Variants in SLC43A2 observed in about 807,000 individuals in gnomAD.
SLC43A2 encodes the protein solute carrier family 43 member 2, also known as large neutral amino acids transporter small subunit 4.
A neutral mutation model predicts 63.2 loss-of-function variants in SLC43A2; 38 were observed. That is an observed-to-expected ratio of 0.60 (90% CI 0.46 to 0.79). The LOEUF (loss-of-function observed/expected upper bound fraction) is 0.79. Among genes scored for constraint, SLC43A2 ranks in the 30% least tolerant of loss-of-function variants. The pLI, the probability that SLC43A2 is intolerant of heterozygous loss-of-function variation, is 0.00. For missense variants in SLC43A2, 644 were observed against 756.2 expected, an observed-to-expected ratio of 0.85 and a Z score of 1.74; for synonymous variants, 322 against 331.0, an observed-to-expected ratio of 0.97 and a Z score of 0.30.
intron 5 of SLC43A2, among the ~76,000 whole-genome samples, chr17:1,607,071 C>T (rs1906691813): frequency 6.6e-6 from 1 of 152,166 alleles, no homozygotes; most frequent in Admixed American, 6.6e-5. Context: ...TGTATTTAGA[C>T]CACAGCCCAT....
At chr17:1,586,128 G>T in intron 9 of SLC43A2, 77 bp from the exon 10 acceptor site, 2 of 1,492,782 alleles carry the variant, frequency 1.3e-6, no homozygotes. Context: ...AGCTGGGAAG[G>T]GGCTGGTCCC....
intron 11 of SLC43A2, among the ~76,000 whole-genome samples, chr17:1,582,785 T>C (rs2076039986): frequency 2.0e-5 from 3 of 151,996 alleles, no homozygotes; most frequent in Non-Finnish European, 4.4e-5. Flanking sequence ...TGAATGAAAG[T>C]CATCATCTGA....
At chr17:1,580,679 A>C (rs2075998537) in intron 11 of SLC43A2, among the ~76,000 whole-genome samples, 1 of 150,044 alleles carries the variant, frequency 6.7e-6, no homozygotes, top group African/African-American at 2.5e-5. Context: ...GTTCTCCCTC[A>C]GCCTCCTGAG....
At chr17:1,610,931 C>A (rs1266417315) in intron 5 of SLC43A2, among the ~76,000 whole-genome samples, 1 of 151,432 alleles carries the variant, frequency 6.6e-6, no homozygotes, top group Non-Finnish European at 1.5e-5. Context: ...AACTCCGCCT[C>A]CCGGCCTCAA....
intron 5 of SLC43A2, among the ~76,000 whole-genome samples, chr17:1,600,152 A>ATATATATATATATATATATATATAT (rs1216616243): frequency 1.3e-4 from 8 of 60,276 alleles, no homozygotes; most frequent in Non-Finnish European, 1.9e-4. Flanking sequence ...ATATATATAT[A>ATATATATATATATATATATATATAT]TTTTTTTTTT....
intron 3 of SLC43A2, 73 bp from the exon 4 acceptor site, chr17:1,615,107 T>C: frequency 1.9e-6 from 3 of 1,563,654 alleles, no homozygotes; most frequent in Non-Finnish European, 2.6e-6. Context: ...GTTTTTGTTT[T>C]TGGTTTTTGG....
intron 2 of SLC43A2, among the ~76,000 whole-genome samples, chr17:1,618,079 G>A (rs1290211161): frequency 6.6e-6 from 1 of 152,208 alleles, no homozygotes; most frequent in Non-Finnish European, 1.5e-5. Context: ...GGGCTGTAGC[G>A]CCGAGGTTTG....
intron 2 of SLC43A2, among the ~76,000 whole-genome samples, chr17:1,620,753 C>T (rs1305483046): frequency 1.3e-5 from 2 of 152,052 alleles, no homozygotes; most frequent in African/African-American, 2.4e-5. Context: ...AGTAAACAGC[C>T]CACATGCACC....
intron 5 of SLC43A2, chr17:1,604,495 C>T (rs1906394337): frequency 5.4e-6 from 3 of 557,158 alleles, no homozygotes; most frequent in Admixed American, 6.4e-5. Flanking sequence ...CCGGTTCAGC[C>T]CTCCTTAGGC....
At chr17:1,608,046 CAT>C (rs1034340454) in intron 5 of SLC43A2, among the ~76,000 whole-genome samples, 8 of 152,110 alleles carry the variant, frequency 5.3e-5, no homozygotes, top group African/African-American at 1.9e-4. Flanking sequence ...CTTTACAAGC[CAT>C]ATGGCCTCTG....
At chr17:1,590,123 T>G (rs1309770753) in intron 9 of SLC43A2, among the ~76,000 whole-genome samples, 1 of 151,852 alleles carries the variant, frequency 6.6e-6, no homozygotes, top group Non-Finnish European at 1.5e-5. Context: ...GGATTTGGAG[T>G]GTTTGTCCCG....
intron 2 of SLC43A2, among the ~76,000 whole-genome samples, chr17:1,625,879 G>T (rs1349836790): frequency 6.6e-6 from 1 of 152,026 alleles, no homozygotes; most frequent in Non-Finnish European, 1.5e-5. Flanking sequence ...TCAGCACTGC[G>T]CTGGCACAAT....
intron 12 of SLC43A2, 143 bp from the exon 13 acceptor site, chr17:1,576,863 G>GTTTTTTT: frequency 6.9e-6 from 4 of 578,184 alleles, no homozygotes; most frequent in Non-Finnish European, 1.1e-5. Flanking sequence ...GGGCAGTTCT[G>GTTTTTTT]TTTTTTTTTT....
intron 5 of SLC43A2, among the ~76,000 whole-genome samples, chr17:1,610,521 A>G (rs948740602): frequency 6.7e-6 from 1 of 149,670 alleles, no homozygotes; most frequent in African/African-American, 2.5e-5. Context: ...CTCCCACCTT[A>G]GCCTCCCAAA....
At chr17:1,613,032 T>G (rs1253430607) in intron 5 of SLC43A2, among the ~76,000 whole-genome samples, 163 bp downstream of exon 5, 1 of 151,046 alleles carries the variant, frequency 6.6e-6, no homozygotes, top group Non-Finnish European at 1.5e-5. Context: ...GGACCTCAGC[T>G]GAGGAGGCCC....
chr17:1,585,406 G>C (rs1416873001), intron 10 of SLC43A2: 1 of 352,562 alleles, frequency 2.8e-6, no homozygotes, highest in East Asian at 8.8e-5. Context: ...CACCGCACCT[G>C]GCTAATTTTT....
chr17:1,604,944 T>C lies in SLC43A2; in HGVS notation c.501+8251A>G, dbSNP rs1598474428. On this transcript the variant is annotated intron_variant, in intron 5 of 13. Transcript: ENST00000301335. ...GCTGTTCGAAGCCGCGGTGCCGGAG[T>C]GAGGGCTGAGCGCTGAGCAGAGCGC... The C allele has an allele frequency of 4.0e-6, 6 of 1,512,842 alleles. No individual in the cohort carries two copies. The East Asian group carries it at 1.2e-4, about 31-fold the overall frequency. The allele number at this position is 1,512,842 out of a possible 1,614,324, so 93.7% of individuals were successfully genotyped here.
intron 6 of SLC43A2, 40 bp from the exon 7 acceptor site, chr17:1,591,739 G>GGGTGGGGC: frequency 2.0e-6 from 1 of 512,310 alleles, no homozygotes; most frequent in Non-Finnish European, 3.9e-6. Flanking sequence ...GGGGGAGGGG[G>GGGTGGGGC]CAGAGTTAGC....
chr17:1,599,950 G>GTA (rs1905760360), intron 5 of SLC43A2, among the ~76,000 whole-genome samples: 1 of 144,714 alleles, frequency 6.9e-6, no homozygotes, highest in South Asian at 2.2e-4. Context: ...AGGCTGAGAC[G>GTA]GGAGAATGGC....
Sources: gnomAD v4.1 joint callset for allele counts (sites outside exome capture counted in the v4.1 genomes callset) on GRCh38, gnomAD v4.1.1 for gene constraint, MANE v1.5 for transcripts, NCBI Gene and HGNC (gene_info 2026-07-23, HGNC 2026-07-21) for gene names.